Variants in CENPP observed in about 807,000 individuals in gnomAD.
CENPP encodes the protein centromere protein P.
In CENPP, 24 loss-of-function variants were observed where a neutral mutation model predicts 35.6. The ratio of observed to expected loss-of-function variants is 0.67; its 90% CI spans 0.49 to 0.95. CENPP has a LOEUF of 0.95. CENPP is among the 40% of genes least tolerant of loss of function. The pLI, the probability that CENPP is intolerant of heterozygous loss-of-function variation, is 0.00. For missense variants in CENPP, 332 were observed against 345.3 expected (o/e 0.96, Z 0.31); for synonymous variants, 120 against 125.5 (o/e 0.96, Z 0.29).
At chr9:92,436,854 A>G (rs547890907) in intron 5 of CENPP, among the ~76,000 whole-genome samples, 1 of 152,138 alleles carries the variant, frequency 6.6e-6, no homozygotes, top group Non-Finnish European at 1.5e-5. Flanking sequence ...TGTTTTGGCT[A>G]TTCTAGTTCC....
intron 5 of CENPP, among the ~76,000 whole-genome samples, chr9:92,444,486 C>T (rs184898991): frequency 2.6e-5 from 4 of 151,238 alleles, no homozygotes; most frequent in Non-Finnish European, 4.4e-5. Flanking sequence ...ATGGACAAAA[C>T]GTTTTAATTT....
chr9:92,465,162 G>T, intron 5 of CENPP: 1 of 660,274 alleles, frequency 1.5e-6, no homozygotes, highest in Non-Finnish European at 2.7e-6. Flanking sequence ...ATTTTCACTC[G>T]GTATATCTGC....
At chr9:92,392,994 T>C (rs1341102519) in intron 5 of CENPP, 11 of 973,726 alleles carry the variant, frequency 1.1e-5, no homozygotes, top group Non-Finnish European at 1.4e-5. Context: ...CAAACCTGAA[T>C]GTGATAGGCA....
At chr9:92,534,161 C>T (rs748111608) in intron 5 of CENPP, among the ~76,000 whole-genome samples, 3 of 152,170 alleles carry the variant, frequency 2.0e-5, no homozygotes, top group Non-Finnish European at 4.4e-5. Context: ...GTGAAGGACT[C>T]CTCAGAGTGT....
At chr9:92,342,213 T>C (rs1408774064) in intron 3 of CENPP, among the ~76,000 whole-genome samples, 1 of 152,260 alleles carries the variant, frequency 6.6e-6, no homozygotes, top group Non-Finnish European at 1.5e-5. Context: ...TTATATTCTA[T>C]TGGCCAACAA....
At chr9:92,517,682 T>C (rs1847811018) in intron 5 of CENPP, 1 of 1,614,168 alleles carries the variant, frequency 6.2e-7, no homozygotes, top group African/African-American at 1.3e-5. Flanking sequence ...GCTAAATCTC[T>C]GTACCAGTAG....
In CENPP at chr9:92,495,983, A is replaced by G. The variant is rs539485414; in HGVS notation, c.565-115331A>G. On this transcript the variant is annotated intron_variant, in intron 5 of 7. Coordinates refer to ENST00000375587, the MANE Select transcript of CENPP (RefSeq NM_001012267.3). ...AAAGGGACTTACAGAGTTCTCAGCT[A>G]ACACCAGTATTCAAGTTGATTATAA... The G allele has an allele frequency of 3.0e-6, 3 of 993,034 alleles. No individual in the cohort carries two copies. In the East Asian group the frequency reaches 3.2e-4, roughly 108 times the overall value. 61.5% of individuals were successfully genotyped at this position (993,034 alleles called of 1,614,324 possible). A position where few individuals can be genotyped will look rare whatever the true frequency, so the allele number is the denominator to read the frequency against.
intron 4 of CENPP, among the ~76,000 whole-genome samples, chr9:92,378,539 G>A (rs553709627): frequency 6.6e-6 from 1 of 152,084 alleles, no homozygotes; most frequent in African/African-American, 2.4e-5. Flanking sequence ...ACATTTCAGA[G>A]TTTCTGATGT....
At chr9:92,451,707 A>C (rs1844715062) in intron 5 of CENPP, among the ~76,000 whole-genome samples, 2 of 132,144 alleles carry the variant, frequency 1.5e-5, no homozygotes. Flanking sequence ...CATTTTCACG[A>C]TATTGATTCT....
chr9:92,373,391 G>T (rs1842053259), intron 4 of CENPP, among the ~76,000 whole-genome samples: 1 of 152,030 alleles, frequency 6.6e-6, no homozygotes, highest in South Asian at 2.1e-4. Context: ...ATTTCCTTCA[G>T]TGATTTCTTC....
intron 5 of CENPP, among the ~76,000 whole-genome samples, chr9:92,477,950 T>A (rs17592132): frequency 0.039 from 5,877 of 152,306 alleles, 145 homozygotes; most frequent in Middle Eastern, 0.075. Context: ...GCTTTGAAAG[T>A]AAAATTCTTC....
At chr9:92,521,137 T>C (rs1466485207) in intron 5 of CENPP, among the ~76,000 whole-genome samples, 5 of 152,244 alleles carry the variant, frequency 3.3e-5, no homozygotes, top group African/African-American at 4.8e-5. Context: ...CAAAAAGTAC[T>C]GTAAGATCAC....
intron 5 of CENPP, chr9:92,474,690 C>G: frequency 1.9e-6 from 3 of 1,613,794 alleles, no homozygotes; most frequent in Non-Finnish European, 2.5e-6. Flanking sequence ...GGAAACAGAT[C>G]AAATGGAAAA....
At chr9:92,463,949 G>C (rs1246711633) in intron 5 of CENPP, among the ~76,000 whole-genome samples, 1 of 152,172 alleles carries the variant, frequency 6.6e-6, no homozygotes, top group African/African-American at 2.4e-5. Context: ...CAGCTTTACT[G>C]TGTCTTTTAA....
chr9:92,436,667 C>T (rs1305475856), intron 5 of CENPP, among the ~76,000 whole-genome samples: 1 of 151,938 alleles, frequency 6.6e-6, no homozygotes, highest in Non-Finnish European at 1.5e-5. Flanking sequence ...TGCTTTGGTG[C>T]CTATGTCAAA....
intron 5 of CENPP, among the ~76,000 whole-genome samples, chr9:92,444,704 G>A (rs1844507272): frequency 6.6e-6 from 1 of 152,184 alleles, no homozygotes; most frequent in South Asian, 2.1e-4. Context: ...CACTATTAAA[G>A]TAATGTTGGG....
intron 5 of CENPP, among the ~76,000 whole-genome samples, chr9:92,438,907 C>T (rs567512280): frequency 1.2e-4 from 19 of 152,320 alleles, no homozygotes; most frequent in African/African-American, 4.1e-4. Flanking sequence ...GCTGAGGTTG[C>T]ATTACTGCAC....
At chr9:92,523,765 G>T (rs1848218752) in intron 5 of CENPP, among the ~76,000 whole-genome samples, 1 of 152,226 alleles carries the variant, frequency 6.6e-6, no homozygotes, top group Non-Finnish European at 1.5e-5. Context: ...CCACATTTCA[G>T]TGTTTCAGAG....
At chr9:92,401,321 T>A in intron 5 of CENPP, 1 of 511,482 alleles carries the variant, frequency 2.0e-6, no homozygotes, top group Admixed American at 3.9e-5. Flanking sequence ...TTCATACATA[T>A]TTCCATTTTA....
Sources: gnomAD v4.1 joint callset for allele counts (sites outside exome capture counted in the v4.1 genomes callset) on GRCh38, gnomAD v4.1.1 for gene constraint, MANE v1.5 for transcripts, NCBI Gene and HGNC (gene_info 2026-07-23, HGNC 2026-07-21) for gene names.